The following CHL1 variants were observed in gnomAD, a reference collection of about 807,000 sequenced individuals.
CHL1 encodes the protein cell adhesion molecule L1 like.
A neutral mutation model predicts 141.9 loss-of-function variants in CHL1; 96 were observed. The observed-to-expected ratio is 0.68, with a 90% CI of 0.57 to 0.80. The LOEUF is 0.80. Ranked by LOEUF, CHL1 falls within the 30% of genes least tolerant of loss-of-function variation. The pLI is 0.00. For missense variants in CHL1, 1,820 were observed against 1,457.2 expected, an observed-to-expected ratio of 1.25 and a Z score of -4.05; for synonymous variants, 613 against 502.2, an observed-to-expected ratio of 1.22 and a Z score of -2.95.
intron 11 of CHL1, among the ~76,000 whole-genome samples, chr3:358,627 G>A (rs1442665896): frequency 6.6e-6 from 1 of 151,980 alleles, no homozygotes; most frequent in Admixed American, 6.6e-5. Context: ...GATTTTCTCT[G>A]GTAGCTGCTC....
chr3:209,759 T>C (rs1699744481), intron 1 of CHL1, among the ~76,000 whole-genome samples: 1 of 152,196 alleles, frequency 6.6e-6, no homozygotes, highest in African/African-American at 2.4e-5. Context: ...CCCCACCCTG[T>C]GTCCAAGTGT....
intron 10 of CHL1, among the ~76,000 whole-genome samples, chr3:354,045 T>C (rs1237400787): frequency 6.6e-6 from 1 of 152,202 alleles, no homozygotes; most frequent in Admixed American, 6.6e-5. Flanking sequence ...TTTGCTGCAT[T>C]GTTTTGACTG....
chr3:222,193 C>G lies in CHL1; in HGVS notation c.-174-22420C>G, dbSNP rs74362969. On this transcript the variant is annotated intron_variant, in intron 1 of 27. Transcript: ENST00000256509. ...CAACATACCTTTTTCTGTTAGAGAT[C>G]TGAAGTTTAGAAGTCCTAAAATCAA... Among the ~76,000 whole-genome samples the G allele has an allele frequency of 3.6e-3, 541 of 152,256 alleles. 4 individuals carry two copies. The highest frequency in any genetic ancestry group is 0.012 in the African/African-American group (518 of 41,546).
chr3:397,983 A>G (rs1243549406), intron 24 of CHL1, among the ~76,000 whole-genome samples: 1 of 152,172 alleles, frequency 6.6e-6, no homozygotes, highest in Non-Finnish European at 1.5e-5. Flanking sequence ...TCATGTGACC[A>G]GGCAGATTTA....
intron 11 of CHL1, among the ~76,000 whole-genome samples, chr3:354,999 A>G (rs1006518519): frequency 6.6e-6 from 1 of 152,204 alleles, no homozygotes. Context: ...TATAAATTAT[A>G]TATAAGAATA....
chr3:279,239 C>T (rs1361391827), intron 2 of CHL1, among the ~76,000 whole-genome samples: 3 of 152,134 alleles, frequency 2.0e-5, no homozygotes, highest in Non-Finnish European at 4.4e-5. Flanking sequence ...CAAATGATTT[C>T]TCAATAGAGA....
chr3:361,440 C>A (rs955472382), intron 12 of CHL1, among the ~76,000 whole-genome samples: 4 of 148,946 alleles, frequency 2.7e-5, no homozygotes, highest in African/African-American at 9.9e-5. Flanking sequence ...AGGCAACCTA[C>A]AAAATGGGAG....
chr3:280,212 AT>A (rs201114993), intron 2 of CHL1, among the ~76,000 whole-genome samples: 3,717 of 145,192 alleles, frequency 0.026, 77 homozygotes, highest in Admixed American at 0.062. Context: ...GAGTCTAGGC[AT>A]TTTTTTTTTT....
Position 358,030 on chromosome 3 carries a change from A to G in CHL1, c.1166-2254A>G, listed in dbSNP as rs367830579. On this transcript the variant is annotated intron_variant, in intron 11 of 27. Coordinates refer to ENST00000256509, the MANE Select transcript of CHL1 (RefSeq NM_006614.4). The stretch of plus-strand genomic sequence containing the variant: ...TGCTAATTTGCAAGAAATAAGTGAT[A>G]AATTGTTCAACAGGATTGTATTAGT... 5.3e-5 allele frequency among the ~76,000 whole-genome samples: 8 copies of G among 152,208 alleles called. No individual in the cohort carries two copies. The East Asian group carries it at 5.8e-4, about 11-fold the overall frequency.
chr3:321,274 T>C (rs532833673), intron 3 of CHL1, among the ~76,000 whole-genome samples: 6 of 152,074 alleles, frequency 3.9e-5, no homozygotes, highest in Admixed American at 3.9e-4. Flanking sequence ...GACATTTCCA[T>C]TTCTTAAGAA....
intron 1 of CHL1, among the ~76,000 whole-genome samples, chr3:232,873 G>A (rs1701990298): frequency 6.6e-6 from 1 of 152,064 alleles, no homozygotes; most frequent in Non-Finnish European, 1.5e-5. Context: ...AATTTTCTCT[G>A]TTACTCCACT....
In CHL1 at chr3:366,001, A is replaced by G. The variant is rs1704832569; in HGVS notation, c.1637A>G (p.His546Arg). The part of the protein sequence containing the change: ...SPKNPRIPKL[H>R]MLELHCESKC... ...AAGAATCCTCGTATCCCCAAATTGC[A>G]TATGCTTGAATTACATTGTGAAAGC... is the stretch of plus-strand genomic sequence containing the variant. The change falls in exon 15 of 28, where the codon CAT (histidine) becomes CGT (arginine). Residue 546 changes from histidine to arginine, a missense_variant. By Grantham distance (29) the His-to-Arg change is conservative (BLOSUM62 0). Transcript: ENST00000256509. 8.7e-6 allele frequency: 14 copies of G among 1,613,646 alleles called. No homozygotes were observed. Among genetic ancestry groups the G allele is most frequent in the Non-Finnish European group, 1.2e-5 (14 of 1,179,620 alleles).
Position 363,326 on chromosome 3 carries a change from T to A in CHL1, c.1528T>A (p.Cys510Ser). ...TTEEDAGSYS[C>S]WVENAIGKTA... ...CGAAGAAGATGCTGGGTCTTACTCA[T>A]GTTGGGTAGAAAATGCTATAGGAAA... The change falls in exon 14 of 28, where the codon TGT becomes AGT. Residue 510 changes from cysteine (C) to serine (S), a missense_variant. Physicochemically the swap from Cys to Ser is moderately radical, Grantham distance 112. Coordinates refer to ENST00000256509, the MANE Select transcript of CHL1 (RefSeq NM_006614.4). 1 of 1,613,438 alleles carries A rather than the reference T, an allele frequency of 6.2e-7. No homozygotes were observed. The highest frequency in any genetic ancestry group is 1.1e-5 in the South Asian group (1 of 91,010).
Position 319,696 on chromosome 3 carries a change from T to C in CHL1, c.-81T>C, listed in dbSNP as rs1211297643. 1.3e-6 allele frequency: 1 copy of C among 794,266 alleles called. No individual in the cohort carries two copies. The highest frequency in any genetic ancestry group is 1.6e-5 in the South Asian group (1 of 63,180). The allele number at this position is 794,266 out of a possible 1,614,324, so 49.2% of individuals were successfully genotyped here. A position where few individuals can be genotyped will look rare whatever the true frequency, so the allele number is the denominator to read the frequency against. The stretch of plus-strand genomic sequence containing the variant: ...TTGTGTTTTTAGTTTCCAGGTTAAC[T>C]AAGGTCTCAGCTGTAAACCAAAAGT... On this transcript the variant is annotated 5_prime_UTR_variant, in exon 3 of 28. Transcript: ENST00000256509.
At chr3:220,910 A>G (rs1261129155) in intron 1 of CHL1, among the ~76,000 whole-genome samples, 1 of 152,220 alleles carries the variant, frequency 6.6e-6, no homozygotes, top group Non-Finnish European at 1.5e-5. Flanking sequence ...ATAAACATTT[A>G]CAATCAATTG....
At chr3:387,727 C>G (rs903562213) in intron 19 of CHL1, among the ~76,000 whole-genome samples, 2 of 152,114 alleles carry the variant, frequency 1.3e-5, no homozygotes, top group African/African-American at 2.4e-5. Flanking sequence ...TGCTAAAGCC[C>G]CTGGTGAATT....
At chr3:271,426 G>A (rs1005618174) in intron 2 of CHL1, among the ~76,000 whole-genome samples, 1 of 152,154 alleles carries the variant, frequency 6.6e-6, no homozygotes, top group African/African-American at 2.4e-5. Context: ...GCAATAGAGT[G>A]AGACCCTGTC....
chr3:261,032 T>C (rs1694668851), intron 2 of CHL1, among the ~76,000 whole-genome samples: 1 of 152,166 alleles, frequency 6.6e-6, no homozygotes, highest in South Asian at 2.1e-4. Context: ...TTCTTCTGAA[T>C]GATGACCTAA....
chr3:333,923 C>A (rs770808689), intron 5 of CHL1, among the ~76,000 whole-genome samples: 10 of 151,944 alleles, frequency 6.6e-5, no homozygotes, highest in Non-Finnish European at 1.2e-4. Flanking sequence ...AATTTTTTTC[C>A]TTTTTCTGAG....
Sources: gnomAD v4.1 joint callset for allele counts (sites outside exome capture counted in the v4.1 genomes callset) on GRCh38, gnomAD v4.1.1 for gene constraint, MANE v1.5 for transcripts, NCBI Gene and HGNC (gene_info 2026-07-23, HGNC 2026-07-21) for gene names.